Variants in POLE2 observed in about 807,000 individuals in gnomAD.
The protein encoded by POLE2 is DNA polymerase epsilon subunit 2.
A neutral mutation model predicts 79.4 loss-of-function variants in POLE2; 56 were observed. The ratio of observed to expected loss-of-function variants is 0.71; its 90% CI spans 0.57 to 0.88. POLE2 has a LOEUF of 0.88. Among genes scored for constraint, POLE2 ranks in the 40% least tolerant of loss-of-function variants. POLE2 has a pLI of 0.00. For synonymous variants in POLE2, 212 were observed against 214.0 expected, an observed-to-expected ratio of 0.99 and a Z score of 0.08; for missense variants, 598 against 638.9, an observed-to-expected ratio of 0.94 and a Z score of 0.69.
intron 1 of POLE2, 69 bp downstream of exon 1, chr14:49,688,067 C>G (rs1887291146): frequency 7.8e-7 from 1 of 1,286,172 alleles, no homozygotes; most frequent in African/African-American, 1.5e-5. Context: ...CGGTGCGTCC[C>G]GCTGCCGCAC....
intron 18 of POLE2, 39 bp downstream of exon 18, chr14:49,647,254 G>A: frequency 9.3e-7 from 1 of 1,079,366 alleles, no homozygotes; most frequent in Non-Finnish European, 1.4e-6. Flanking sequence ...TTAACACCTA[G>A]AGAAAGATCT....
chr14:49,651,692 A>G (rs560210468), intron 15 of POLE2, among the ~76,000 whole-genome samples: 5 of 152,320 alleles, frequency 3.3e-5, no homozygotes, highest in African/African-American at 9.6e-5. Context: ...ATAATTAAGC[A>G]TAAGAGAAAA....
rs765647908 is a variant in POLE2 at position 49,654,191 on chromosome 14, C to G, written c.1097G>C (p.Gly366Ala). Residue 366 changes from glycine to alanine, a missense_variant, in exon 14 of 19, where the codon GGT (glycine) becomes GCT (alanine). Gly to Ala is a moderately conservative substitution (Grantham distance 60). Coordinates refer to ENST00000216367, the MANE Select transcript of POLE2 (RefSeq NM_002692.4). Reference sequence around the variant, plus strand: ...GGAACCAAATCCAGGATCCTCTGGACCAGGTACAAACACAAAACGACTACT... The same window carrying G: ...GGAACCAAATCCAGGATCCTCTGGAGCAGGTACAAACACAAAACGACTACT... ...HQSSRFVFVP[G>A]PEDPGFGSIL... is the part of the protein sequence containing the mutation. The G allele has an allele frequency of 4.3e-6, 7 of 1,610,870 alleles. No individual in the cohort carries two copies. The highest frequency in any genetic ancestry group is 5.9e-6 in the Non-Finnish European group (7 of 1,177,936).
chr14:49,650,878 G>A (rs945641272), intron 16 of POLE2, among the ~76,000 whole-genome samples: 3 of 152,120 alleles, frequency 2.0e-5, no homozygotes, highest in Non-Finnish European at 4.4e-5. Flanking sequence ...AGGGAACCTC[G>A]AAGCTACAAG....
intron 1 of POLE2, among the ~76,000 whole-genome samples, chr14:49,684,932 G>A (rs1468808735): frequency 6.6e-6 from 1 of 151,922 alleles, no homozygotes; most frequent in Non-Finnish European, 1.5e-5. Flanking sequence ...AGCGGAGATC[G>A]GGCCACTACA....
intron 3 of POLE2, chr14:49,677,405 G>A (rs1045379908): frequency 2.5e-5 from 12 of 479,290 alleles, no homozygotes; most frequent in Admixed American, 3.4e-5. Context: ...TCATGCCAAG[G>A]GTTAGGCCCA....
chr14:49,656,095 C>A (rs1319328374), intron 10 of POLE2, among the ~76,000 whole-genome samples: 1 of 152,208 alleles, frequency 6.6e-6, no homozygotes, highest in Non-Finnish European at 1.5e-5. Flanking sequence ...GTGGCTCACG[C>A]CTGTAATCCC....
chr14:49,661,483 C>T lies in POLE2; in HGVS notation c.755+1832G>A, dbSNP rs1026460686. Among the ~76,000 whole-genome samples the T allele has an allele frequency of 2.0e-5, 3 of 152,128 alleles. No homozygotes were observed. The South Asian group carries it at 6.2e-4, about 32-fold the overall frequency. Reference sequence around the variant, plus strand: ...TACCCAAACATAAATCAGAGCATCACAGAAACACCTATTAAGCTAAATATT... The same window carrying T: ...TACCCAAACATAAATCAGAGCATCATAGAAACACCTATTAAGCTAAATATT... On this transcript the variant is annotated intron_variant, in intron 10 of 18. Transcript: ENST00000216367.
intron 9 of POLE2, 94 bp downstream of exon 9, chr14:49,664,532 A>T: frequency 1.2e-6 from 1 of 813,854 alleles, no homozygotes; most frequent in Non-Finnish European, 2.1e-6. Context: ...AATTAATGGT[A>T]TCCCAAATTA....
chr14:49,674,802 GA>G (rs751528914), intron 3 of POLE2, among the ~76,000 whole-genome samples: 1 of 152,036 alleles, frequency 6.6e-6, no homozygotes, highest in African/African-American at 2.4e-5. Context: ...CCGACCTCAG[GA>G]AATCCACTCA....
chr14:49,665,271 T>C (rs1885399266), intron 7 of POLE2, 108 bp from the exon 8 acceptor site: 1 of 630,624 alleles, frequency 1.6e-6, no homozygotes, highest in Admixed American at 2.9e-5. Context: ...AGAAAGTGGA[T>C]TTTAAAAATC....
At chr14:49,652,147 T>G (rs1884293649) in intron 15 of POLE2, among the ~76,000 whole-genome samples, 1 of 151,280 alleles carries the variant, frequency 6.6e-6, no homozygotes. Context: ...ACTTTCACAC[T>G]GCGTTAAGAA....
chr14:49,657,638 C>G (rs1884791732), intron 10 of POLE2, among the ~76,000 whole-genome samples: 1 of 152,200 alleles, frequency 6.6e-6, no homozygotes, highest in Middle Eastern at 3.4e-3. Flanking sequence ...TGGGGTTTCA[C>G]CATGTTGGCT....
chr14:49,645,043 C>CAAAAAAAAAAAAAAAAAAAAAAAA (rs527251561), intron 18 of POLE2, among the ~76,000 whole-genome samples: 8 of 88,326 alleles, frequency 9.1e-5, no homozygotes, highest in Non-Finnish European at 1.2e-4. Flanking sequence ...CTCCGTCTCA[C>CAAAAAAAAAAAAAAAAAAAAAAAA]AAAAAAAAAA....
At chr14:49,658,230 C>G (rs1054011260) in intron 10 of POLE2, among the ~76,000 whole-genome samples, 3 of 152,178 alleles carry the variant, frequency 2.0e-5, no homozygotes, top group Non-Finnish European at 4.4e-5. Flanking sequence ...GCACCTGCCA[C>G]CACGCCCGGC....
At chr14:49,666,938 C>T (rs1016733535) in intron 6 of POLE2, among the ~76,000 whole-genome samples, 1 of 152,060 alleles carries the variant, frequency 6.6e-6, no homozygotes, top group African/African-American at 2.4e-5. Context: ...CAGTGGCTCA[C>T]GCCTGTAATC....
At chr14:49,685,905 G>A (rs904967038) in intron 1 of POLE2, among the ~76,000 whole-genome samples, 2 of 152,120 alleles carry the variant, frequency 1.3e-5, no homozygotes, top group African/African-American at 4.8e-5. Context: ...GGGATTACAG[G>A]CGTGAGCCAC....
chr14:49,650,355 C>T lies in POLE2; in HGVS notation c.1407G>A (p.Leu469=). The change falls in exon 17 of 19, where the codon TTG becomes TTA. Residue 469 remains leucine (L), a synonymous_variant. Coordinates refer to ENST00000216367, the MANE Select transcript of POLE2 (RefSeq NM_002692.4). ...CPVYWAYDYA[L]RVYPVPDLLV... is the part of the protein sequence containing the mutation. ...GTAGATCGGGCACAGGATACACTCT[C>T]AAAGCATAGTCATATGCCCAATACA... 1 of 1,610,906 alleles carries T rather than the reference C, an allele frequency of 6.2e-7. No individual in the cohort carries two copies. The highest frequency in any genetic ancestry group is 8.5e-7 in the Non-Finnish European group (1 of 1,177,960).
At chr14:49,661,145 T>C (rs932292703) in intron 10 of POLE2, among the ~76,000 whole-genome samples, 1 of 152,056 alleles carries the variant, frequency 6.6e-6, no homozygotes, top group African/African-American at 2.4e-5. Flanking sequence ...AGTTCTGAAC[T>C]CCAAAGCTCA....
Sources: allele counts gnomAD v4.1 joint callset (sites outside exome capture counted in the v4.1 genomes callset), GRCh38; gene constraint gnomAD v4.1.1; transcripts MANE v1.5; gene names NCBI Gene and HGNC (gene_info 2026-07-23, HGNC 2026-07-21).